Variants in BACH2 observed in about 807,000 individuals in gnomAD.
The protein encoded by BACH2 is BACH transcriptional regulator 2.
Under a neutral mutation model 61.8 loss-of-function variants are expected in BACH2, and 5 were observed. That is an observed-to-expected ratio of 0.08 (90% confidence interval 0.04 to 0.17). The LOEUF is 0.17. Among genes scored for constraint, BACH2 ranks in the 10% least tolerant of loss-of-function variants. The pLI is 1.00. For missense variants in BACH2, 824 were observed against 1,091.1 expected (o/e 0.76, Z 3.45); for synonymous variants, 446 against 440.1 (o/e 1.01, Z -0.17).
intron 4 of BACH2, among the ~76,000 whole-genome samples, chr6:90,182,530 G>C (rs1226066382): frequency 6.6e-6 from 1 of 152,174 alleles, no homozygotes. Context: ...CTTAGGGACT[G>C]ATCTTCCACT....
chr6:90,147,443 T>C (rs1784660981), intron 4 of BACH2, among the ~76,000 whole-genome samples: 1 of 152,164 alleles, frequency 6.6e-6, no homozygotes. Context: ...CATGCTGCCG[T>C]AACAGTACAC....
intron 5 of BACH2, among the ~76,000 whole-genome samples, chr6:90,033,785 G>A (rs901884913): frequency 1.8e-4 from 27 of 152,198 alleles, no homozygotes; most frequent in Non-Finnish European, 7.4e-5. Flanking sequence ...AAATGGCACA[G>A]CAGAAGTTCA....
At chr6:90,203,254 T>C (rs1022405097) in intron 4 of BACH2, among the ~76,000 whole-genome samples, 2 of 150,452 alleles carry the variant, frequency 1.3e-5, no homozygotes, top group African/African-American at 4.9e-5. Flanking sequence ...CTACAAAAAA[T>C]ACAAAAATTA....
chr6:90,153,137 T>A (rs559693008), intron 4 of BACH2, among the ~76,000 whole-genome samples: 1 of 152,140 alleles, frequency 6.6e-6, no homozygotes, highest in Non-Finnish European at 1.5e-5. Flanking sequence ...TAAGGAGGAA[T>A]TGGTTCTAAT....
At chr6:90,222,149 G>A (rs1040807780) in intron 3 of BACH2, among the ~76,000 whole-genome samples, 3 of 152,000 alleles carry the variant, frequency 2.0e-5, no homozygotes, top group African/African-American at 7.3e-5. Flanking sequence ...CTACACTTAC[G>A]GCACATCTCA....
chr6:90,296,435 A>T (rs1040908218), intron 1 of BACH2, 45 bp downstream of exon 1: 1 of 145,454 alleles, frequency 6.9e-6, no homozygotes, highest in South Asian at 2.2e-4. Context: ...TTGCCCCGCC[A>T]CCCCGCCCAG....
chr6:90,091,499 G>A (rs1430792265), intron 4 of BACH2, among the ~76,000 whole-genome samples: 2 of 152,030 alleles, frequency 1.3e-5, no homozygotes, highest in Non-Finnish European at 2.9e-5. Context: ...ACAGCCCCAG[G>A]TTCTTTTAGA....
Position 90,106,990 on chromosome 6 carries a change from AC to A in BACH2, c.-161-17882del, listed in dbSNP as rs529016622. ...TTCTAGTTCCTTCAAATGTTATTTG[AC>A]ATGGTTTCAGGTTCTCTATCACTGT... On this transcript the variant is annotated intron_variant, in intron 4 of 8. Coordinates refer to ENST00000257749, the MANE Select transcript of BACH2 (RefSeq NM_021813.4). Among the ~76,000 whole-genome samples the A allele has an allele frequency of 5.5e-3, 839 of 152,308 alleles. 5 individuals carry two copies. The highest frequency in any genetic ancestry group is 0.019 in the African/African-American group (794 of 41,562).
chr6:90,082,170 AT>A (rs141428258), intron 5 of BACH2, among the ~76,000 whole-genome samples: 1,876 of 152,300 alleles, frequency 0.012, 38 homozygotes, highest in African/African-American at 0.043. Flanking sequence ...AACCTTTCCC[AT>A]TTCTGCCAAA....
At chr6:90,098,829 TA>T (rs1228924524) in intron 4 of BACH2, among the ~76,000 whole-genome samples, 2 of 152,192 alleles carry the variant, frequency 1.3e-5, no homozygotes, top group African/African-American at 4.8e-5. Flanking sequence ...GGAACACCCC[TA>T]CGTGGCTTCT....
At chr6:90,164,290 A>G (rs1266987156) in intron 4 of BACH2, among the ~76,000 whole-genome samples, 1 of 152,250 alleles carries the variant, frequency 6.6e-6, no homozygotes, top group Non-Finnish European at 1.5e-5. Flanking sequence ...AAACATCTCT[A>G]CGCAAAAAAC....
At chr6:90,052,618 G>A (rs1016755529) in intron 5 of BACH2, among the ~76,000 whole-genome samples, 29 of 152,130 alleles carry the variant, frequency 1.9e-4, no homozygotes, top group Admixed American at 1.0e-3. Flanking sequence ...ACAGGGTTTC[G>A]CCATGTTGGC....
chr6:90,160,342 G>C (rs1010538645), intron 4 of BACH2, among the ~76,000 whole-genome samples: 3 of 152,178 alleles, frequency 2.0e-5, no homozygotes, highest in African/African-American at 7.2e-5. Flanking sequence ...GTGCATGTGT[G>C]GGCTGTAGGG....
In BACH2 at chr6:89,951,134, A is replaced by G; in HGVS notation, c.972T>C (p.Ala324=). The change falls in exon 7 of 9, where the codon GCT becomes GCC. Residue 324 remains alanine (A), a synonymous_variant. Transcript: ENST00000257749. The surrounding 1 kb of genome is among the most constrained non-coding windows in gnomAD (Gnocchi z 6.4). ...PSPAPTPTAP[A]GAACLERSRS... ...TGGATCTCTCCAGGCAGGCGGCCCC[A>G]GCTGGGGCCGTGGGGGTAGGGGCAG... The G allele has an allele frequency of 4.4e-6, 7 of 1,590,180 alleles. No individual in the cohort carries two copies. Among genetic ancestry groups the G allele is most frequent in the Non-Finnish European group, 6.0e-6 (7 of 1,169,800 alleles).
At chr6:90,141,715 ATACT>A (rs2127826978) in intron 4 of BACH2, among the ~76,000 whole-genome samples, 1 of 152,346 alleles carries the variant, frequency 6.6e-6, no homozygotes, top group East Asian at 1.9e-4. Flanking sequence ...TTGTATATAC[ATACT>A]TCAAATTAGA....
intron 4 of BACH2, among the ~76,000 whole-genome samples, chr6:90,169,025 C>T (rs888147391): frequency 6.6e-6 from 1 of 152,088 alleles, no homozygotes; most frequent in African/African-American, 2.4e-5. Flanking sequence ...CGATGTTTCC[C>T]TTAATGATGG....
intron 2 of BACH2, among the ~76,000 whole-genome samples, chr6:90,261,771 T>C (rs1771166748): frequency 6.6e-6 from 1 of 152,190 alleles, no homozygotes; most frequent in African/African-American, 2.4e-5. Flanking sequence ...GATCTCACGA[T>C]CTAATTGAGC....
chr6:89,934,837 G>C (rs1584496937), intron 8 of BACH2, among the ~76,000 whole-genome samples: 1 of 152,076 alleles, frequency 6.6e-6, no homozygotes, highest in African/African-American at 2.4e-5. Flanking sequence ...AGGAGAAAGG[G>C]AGGAGCAGGC....
intron 6 of BACH2, among the ~76,000 whole-genome samples, chr6:89,963,144 C>G (rs1176789942): frequency 2.0e-5 from 3 of 152,164 alleles, no homozygotes; most frequent in Non-Finnish European, 4.4e-5. Context: ...TGCTCAACGT[C>G]ACTAATTAAC....
Sources: allele counts gnomAD v4.1 joint callset (sites outside exome capture counted in the v4.1 genomes callset), GRCh38; gene constraint gnomAD v4.1.1; non-coding constraint Gnocchi (gnomAD v3.1); transcripts MANE v1.5; gene names NCBI Gene and HGNC (gene_info 2026-07-23, HGNC 2026-07-21).